GPBP1: variants seen among roughly 807,000 people sequenced by gnomAD.
GPBP1 encodes the protein vasculin.
GPBP1 carries 13 observed loss-of-function variants against 56.5 expected under a neutral mutation model. The observed-to-expected ratio is 0.23, with a 90% CI of 0.15 to 0.37. GPBP1 has a LOEUF of 0.37. Among genes scored for constraint, GPBP1 ranks in the 10% least tolerant of loss-of-function variants. GPBP1 has a pLI of 1.00. For missense variants in GPBP1, 477 were observed against 572.3 expected, an observed-to-expected ratio of 0.83 and a Z score of 1.70; for synonymous variants, 204 against 188.9, an observed-to-expected ratio of 1.08 and a Z score of -0.66.
intron 10 of GPBP1, among the ~76,000 whole-genome samples, chr5:57,253,314 A>AT (rs977858850): frequency 2.1e-4 from 32 of 151,696 alleles, no homozygotes; most frequent in Non-Finnish European, 2.8e-4. Context: ...GTATAAACTG[A>AT]TTTTTTTTTA....
intron 3 of GPBP1, among the ~76,000 whole-genome samples, chr5:57,217,512 GGTGAGCC>G (rs1755749060): frequency 6.6e-6 from 1 of 151,104 alleles, no homozygotes; most frequent in Non-Finnish European, 1.5e-5. Flanking sequence ...TGGAGGTTGT[GGTGAGCC>G]GAGATTGTGC....
At chr5:57,213,993 G>C (rs1490940952) in intron 2 of GPBP1, 81 bp from the exon 3 acceptor site, 2 of 656,822 alleles carry the variant, frequency 3.0e-6, no homozygotes, top group South Asian at 1.8e-5. Flanking sequence ...ATAGTAGTAA[G>C]TAGTAAGATC....
At chr5:57,244,980 C>A (rs1741021662) in intron 6 of GPBP1, among the ~76,000 whole-genome samples, 1 of 152,146 alleles carries the variant, frequency 6.6e-6, no homozygotes, top group Non-Finnish European at 1.5e-5. Flanking sequence ...TCATGGTCTG[C>A]CCGCCTCATC....
At chr5:57,197,076 C>T (rs183149970) in intron 2 of GPBP1, among the ~76,000 whole-genome samples, 6 of 151,978 alleles carry the variant, frequency 3.9e-5, no homozygotes, top group East Asian at 3.9e-4. Context: ...CCACCACGCC[C>T]GACCTGTTTT....
intron 10 of GPBP1, among the ~76,000 whole-genome samples, chr5:57,255,151 T>C (rs1463482620): frequency 3.9e-5 from 6 of 152,178 alleles, no homozygotes; most frequent in Admixed American, 3.9e-4. Context: ...GTGAAACTGT[T>C]TTCCTGTGAT....
chr5:57,217,216 G>A (rs1033711405), intron 3 of GPBP1, among the ~76,000 whole-genome samples: 11 of 151,956 alleles, frequency 7.2e-5, no homozygotes, highest in Non-Finnish European at 1.5e-4. Context: ...TTTTGGTCAA[G>A]TTATTTTGTT....
intron 3 of GPBP1, among the ~76,000 whole-genome samples, chr5:57,224,842 C>T (rs970430044): frequency 1.3e-5 from 2 of 151,594 alleles, no homozygotes; most frequent in Admixed American, 1.3e-4. Context: ...CTAAATAATT[C>T]TAACTTATTA....
At chr5:57,217,823 G>A (rs1755764872) in intron 3 of GPBP1, among the ~76,000 whole-genome samples, 1 of 152,160 alleles carries the variant, frequency 6.6e-6, no homozygotes, top group Non-Finnish European at 1.5e-5. Flanking sequence ...TTTGAGAACA[G>A]CCTGGGCAAC....
At chr5:57,254,270 T>C (rs1278619007) in intron 10 of GPBP1, among the ~76,000 whole-genome samples, 2 of 152,206 alleles carry the variant, frequency 1.3e-5, no homozygotes, top group African/African-American at 4.8e-5. Context: ...TCAGAATAAA[T>C]CTTTATCTTT....
rs1579959917 is a variant in GPBP1, at chr5:57,175,845, T to G, written c.-613T>G. 3 of 397,414 alleles carry G rather than the reference T, an allele frequency of 7.5e-6. No homozygotes were observed. In the East Asian group the frequency reaches 1.1e-4, roughly 14 times the overall value. The allele number at this position is 397,414 out of a possible 1,614,324, so 24.6% of individuals were successfully genotyped here. A position where few individuals can be genotyped will look rare whatever the true frequency, so the allele number is the denominator to read the frequency against. On this transcript the variant is annotated 5_prime_UTR_variant, in exon 2 of 12. Transcript: ENST00000506184. ...TGCTGAAGTTTCATGGCAGTTTATTTTTACCTTTATTGAAAGTTTTAGGAA... is the reference window on the plus strand; with the variant it reads ...TGCTGAAGTTTCATGGCAGTTTATTGTTACCTTTATTGAAAGTTTTAGGAA...
intron 3 of GPBP1, among the ~76,000 whole-genome samples, chr5:57,225,988 C>T (rs1756171367): frequency 6.6e-6 from 1 of 152,188 alleles, no homozygotes; most frequent in Non-Finnish European, 1.5e-5. Context: ...GCAACTGAGG[C>T]TCCAGTTACT....
At chr5:57,189,989 A>C (rs188456544) in intron 2 of GPBP1, among the ~76,000 whole-genome samples, 43 of 152,156 alleles carry the variant, frequency 2.8e-4, no homozygotes, top group Non-Finnish European at 5.3e-4. Flanking sequence ...TTATTATTCT[A>C]TATTATTTCA....
intron 3 of GPBP1, among the ~76,000 whole-genome samples, chr5:57,229,020 A>G (rs1330092920): frequency 4.6e-5 from 7 of 152,094 alleles, no homozygotes; most frequent in Non-Finnish European, 1.0e-4. Flanking sequence ...ACTTGAAGTC[A>G]GGAGTTGAAG....
chr5:57,191,676 C>T (rs1366263781), intron 2 of GPBP1, among the ~76,000 whole-genome samples: 1 of 151,968 alleles, frequency 6.6e-6, no homozygotes, highest in African/African-American at 2.4e-5. Context: ...ATTCTCCTGC[C>T]TCAGCCTCCC....
chr5:57,204,212 C>T (rs1755135609), intron 2 of GPBP1, among the ~76,000 whole-genome samples: 2 of 151,904 alleles, frequency 1.3e-5, no homozygotes, highest in Admixed American at 1.3e-4. Context: ...ACACGTAACT[C>T]AAAAATAGAA....
chr5:57,176,810 T>C (rs781444189), intron 2 of GPBP1, among the ~76,000 whole-genome samples: 3 of 152,208 alleles, frequency 2.0e-5, no homozygotes, highest in Non-Finnish European at 4.4e-5. Flanking sequence ...CAGTTGACTT[T>C]GCAAATGTGA....
chr5:57,207,706 G>T (rs1755294115), intron 2 of GPBP1, among the ~76,000 whole-genome samples: 1 of 152,174 alleles, frequency 6.6e-6, no homozygotes, highest in South Asian at 2.1e-4. Context: ...GAAGTTTCCA[G>T]CAGATGGATG....
Position 57,214,124 on chromosome 5 carries a change from G to A in GPBP1, c.-7G>A, listed in dbSNP as rs755531721. On this transcript the variant is annotated 5_prime_UTR_variant, in exon 3 of 12. Coordinates refer to ENST00000506184, the MANE Select transcript of GPBP1 (RefSeq NM_022913.4). ...TTGTTTCACTGAGTTGGAGAGACTGGACCTAAATGGCGCAGCATGACTTTG... is the reference window on the plus strand; with the variant it reads ...TTGTTTCACTGAGTTGGAGAGACTGAACCTAAATGGCGCAGCATGACTTTG... 1.2e-6 allele frequency: 2 copies of A among 1,613,176 alleles called. No homozygotes were observed. The highest frequency in any genetic ancestry group is 1.7e-6 in the Non-Finnish European group (2 of 1,179,180).
intron 2 of GPBP1, among the ~76,000 whole-genome samples, chr5:57,177,100 A>G (rs1753817315): frequency 6.6e-6 from 1 of 152,200 alleles, no homozygotes; most frequent in African/African-American, 2.4e-5. Flanking sequence ...CTTTAAAATA[A>G]CTTAAGAAAA....
Sources: gnomAD v4.1 joint callset for allele counts (sites outside exome capture counted in the v4.1 genomes callset) on GRCh38, gnomAD v4.1.1 for gene constraint, MANE v1.5 for transcripts, NCBI Gene and HGNC (gene_info 2026-07-23, HGNC 2026-07-21) for gene names.